The following CSMD1 variants were observed in gnomAD, a reference collection of about 807,000 sequenced individuals.
CSMD1 encodes the protein CUB and sushi domain-containing protein 1.
Under a neutral mutation model 417.5 loss-of-function variants are expected in CSMD1, and 213 were observed. That is an observed-to-expected ratio of 0.51 (90% confidence interval 0.46 to 0.57). CSMD1 has a LOEUF of 0.57. Among genes scored for constraint, CSMD1 ranks in the 20% least tolerant of loss-of-function variants. CSMD1 has a pLI of 0.00. For synonymous variants in CSMD1, 2,862 were observed against 1,736.8 expected, an observed-to-expected ratio of 1.65 and a Z score of -16.11; for missense variants, 6,923 against 4,529.7, an observed-to-expected ratio of 1.53 and a Z score of -15.17.
intron 3 of CSMD1, among the ~76,000 whole-genome samples, chr8:4,128,524 C>G (rs1387793908): frequency 6.6e-6 from 1 of 152,082 alleles, no homozygotes; most frequent in Non-Finnish European, 1.5e-5. Context: ...CTTACTCAAA[C>G]CCCCTCCTAT....
rs113809363 is a variant in CSMD1, at chr8:4,341,621, C to T, written c.415+78332G>A. ...GTTTGTCCAGTGAAACTGTAACTTA[C>T]GGAAAAATGTTTAGGATATGCTCTT... is the stretch of plus-strand genomic sequence containing the variant. On this transcript the variant is annotated intron_variant, in intron 3 of 69. Coordinates refer to ENST00000635120, the MANE Select transcript of CSMD1 (RefSeq NM_033225.6). Among the ~76,000 whole-genome samples the T allele has an allele frequency of 2.4e-3, 361 of 152,174 alleles. 3 individuals carry two copies. The highest frequency in any genetic ancestry group is 7.7e-3 in the African/African-American group (319 of 41,532).
chr8:3,693,988 AGT>A (rs780740919), intron 7 of CSMD1, among the ~76,000 whole-genome samples: 5 of 144,706 alleles, frequency 3.5e-5, no homozygotes, highest in African/African-American at 1.0e-4. Flanking sequence ...GTGTGTTGTT[AGT>A]GTGTGTGTGT....
chr8:3,280,409 G>A (rs1425855396), intron 26 of CSMD1, among the ~76,000 whole-genome samples: 3 of 152,114 alleles, frequency 2.0e-5, no homozygotes, highest in African/African-American at 4.8e-5. Context: ...TCTAGACTAT[G>A]CTTTTTAAAT....
intron 3 of CSMD1, among the ~76,000 whole-genome samples, chr8:4,289,168 A>G (rs1037872371): frequency 1.3e-5 from 2 of 152,196 alleles, no homozygotes; most frequent in Non-Finnish European, 2.9e-5. Context: ...GACAGTGTAT[A>G]TTATATAACA....
In CSMD1 at chr8:3,782,605, C is replaced by G. The variant is rs1313190323; in HGVS notation, c.819-28563G>C. ...GCACATGTAATCCTATGTAACAAAC[C>G]TGCACGTTGTGCACATGTACCCTAG... is the stretch of plus-strand genomic sequence containing the variant. On this transcript the variant is annotated intron_variant, in intron 5 of 69. Coordinates refer to ENST00000635120, the MANE Select transcript of CSMD1 (RefSeq NM_033225.6). Among the ~76,000 whole-genome samples the G allele has an allele frequency of 5.3e-5, 8 of 152,140 alleles. No individual in the cohort carries two copies. The East Asian group carries it at 1.5e-3, about 29-fold the overall frequency.
intron 4 of CSMD1, among the ~76,000 whole-genome samples, chr8:4,017,836 G>C (rs981000620): frequency 6.6e-6 from 1 of 152,076 alleles, no homozygotes; most frequent in African/African-American, 2.4e-5. Flanking sequence ...AGCTGTTTGG[G>C]TGACTGTATA....
intron 1 of CSMD1, among the ~76,000 whole-genome samples, chr8:4,969,419 C>T (rs1268803344): frequency 6.6e-6 from 1 of 151,794 alleles, no homozygotes; most frequent in Non-Finnish European, 1.5e-5. Flanking sequence ...GGCAAGTTAG[C>T]ATGCATCATC....
chr8:4,412,282 A>T (rs919822545), intron 3 of CSMD1, among the ~76,000 whole-genome samples: 1 of 152,124 alleles, frequency 6.6e-6, no homozygotes, highest in Non-Finnish European at 1.5e-5. Context: ...TGAATAGTTT[A>T]CCACCATCCT....
At chr8:3,682,002 A>C (rs572429634) in intron 7 of CSMD1, among the ~76,000 whole-genome samples, 139 of 152,310 alleles carry the variant, frequency 9.1e-4, no homozygotes, top group Non-Finnish European at 1.8e-3. Context: ...AGAAAGGTGA[A>C]ACTGGATCCC....
intron 54 of CSMD1, among the ~76,000 whole-genome samples, chr8:2,981,514 C>G (rs957867438): frequency 6.6e-6 from 1 of 152,216 alleles, no homozygotes; most frequent in Non-Finnish European, 1.5e-5. Flanking sequence ...TGCACCTCAT[C>G]TTAACATCTT....
intron 3 of CSMD1, among the ~76,000 whole-genome samples, chr8:4,160,123 T>A (rs1030526686): frequency 6.6e-6 from 1 of 151,388 alleles, no homozygotes; most frequent in Non-Finnish European, 1.5e-5. Flanking sequence ...CATTAAAAAA[T>A]AACGTCTTAA....
intron 3 of CSMD1, among the ~76,000 whole-genome samples, chr8:4,377,598 C>T (rs916747843): frequency 1.1e-4 from 16 of 152,076 alleles, no homozygotes; most frequent in African/African-American, 3.1e-4. Flanking sequence ...ATTCTCAAAG[C>T]CTCAATTTTA....
At chr8:3,983,138 T>TC (rs1814023527) in intron 5 of CSMD1, among the ~76,000 whole-genome samples, 1 of 147,654 alleles carries the variant, frequency 6.8e-6, no homozygotes, top group Admixed American at 6.7e-5. Context: ...TTTCTTTCTT[T>TC]TTTTTTTTTT....
At chr8:4,411,989 G>GT (rs1554467000) in intron 3 of CSMD1, among the ~76,000 whole-genome samples, 1 of 148,942 alleles carries the variant, frequency 6.7e-6, no homozygotes, top group South Asian at 2.1e-4. Flanking sequence ...CATAGCTAAG[G>GT]GTGTGTGTGT....
intron 2 of CSMD1, among the ~76,000 whole-genome samples, chr8:4,502,331 G>C (rs777649531): frequency 6.6e-6 from 1 of 152,052 alleles, no homozygotes; most frequent in Non-Finnish European, 1.5e-5. Flanking sequence ...CAAATGCATA[G>C]ATACAATGGC....
At chr8:3,633,241 CAT>C (rs1429072839) in intron 7 of CSMD1, among the ~76,000 whole-genome samples, 21 of 152,276 alleles carry the variant, frequency 1.4e-4, no homozygotes, top group African/African-American at 3.9e-4. Context: ...TTGGATATAA[CAT>C]AAATTACTCT....
intron 4 of CSMD1, among the ~76,000 whole-genome samples, chr8:4,009,408 A>G (rs1816377780): frequency 6.6e-6 from 1 of 152,220 alleles, no homozygotes; most frequent in South Asian, 2.1e-4. Flanking sequence ...TATCATAAAG[A>G]AAAATTGAAA....
chr8:3,031,674 A>G (rs970818438), intron 50 of CSMD1, among the ~76,000 whole-genome samples: 5 of 151,972 alleles, frequency 3.3e-5, no homozygotes, highest in Non-Finnish European at 7.4e-5. Flanking sequence ...CTGGGATTAC[A>G]GGTATGAGCC....
chr8:4,984,763 G>A (rs1216973531), intron 1 of CSMD1, among the ~76,000 whole-genome samples: 2 of 152,160 alleles, frequency 1.3e-5, no homozygotes, highest in African/African-American at 2.4e-5. Flanking sequence ...AACAGCAGAA[G>A]GAAAAACCCC....
Sources: allele counts gnomAD v4.1 joint callset (sites outside exome capture counted in the v4.1 genomes callset), GRCh38; gene constraint gnomAD v4.1.1; transcripts MANE v1.5; gene names NCBI Gene and HGNC (gene_info 2026-07-23, HGNC 2026-07-21).